The following HHLA2 variants were observed in gnomAD, a reference collection of about 807,000 sequenced individuals.
HHLA2 encodes the protein HHLA2 member of B7 family.
Under a neutral mutation model 45.9 loss-of-function variants are expected in HHLA2, and 48 were observed. The observed-to-expected ratio is 1.05, with a 90% confidence interval of 0.83 to 1.33. The LOEUF is 1.33. Among genes scored for constraint, HHLA2 ranks in the 40% most tolerant of loss-of-function variants. HHLA2 has a pLI of 0.00. For missense variants in HHLA2, 462 were observed against 494.3 expected (o/e 0.93, Z 0.62); for synonymous variants, 161 against 173.9 (o/e 0.93, Z 0.59).
intron 3 of HHLA2, among the ~76,000 whole-genome samples, chr3:108,332,154 A>G (rs950684809): frequency 6.6e-6 from 1 of 152,204 alleles, no homozygotes; most frequent in Non-Finnish European, 1.5e-5. Flanking sequence ...AAGCAATCAA[A>G]ATTTTAATTT....
chr3:108,329,260 CAT>C (rs1249738012), intron 3 of HHLA2, among the ~76,000 whole-genome samples: 1 of 152,102 alleles, frequency 6.6e-6, no homozygotes, highest in Non-Finnish European at 1.5e-5. Context: ...CATGACCTAA[CAT>C]GTGATTCAGG....
intron 8 of HHLA2, among the ~76,000 whole-genome samples, chr3:108,369,653 C>T (rs1182331042): frequency 2.1e-4 from 32 of 152,218 alleles, no homozygotes; most frequent in Admixed American, 2.1e-3. Context: ...AAATGGCACA[C>T]CAGGAGATTA....
chr3:108,313,299 G>A lies in HHLA2; in HGVS notation c.-105+2558G>A, dbSNP rs147291992. 2.1e-4 allele frequency among the ~76,000 whole-genome samples: 32 copies of A among 152,254 alleles called. No homozygotes were observed. The East Asian group carries it at 6.2e-3, about 29-fold the overall frequency. The stretch of plus-strand genomic sequence containing the variant: ...ACCAACGAGCAGGATTGTGATTCGG[G>A]GGAGTGAAACCAGCAGTGAGGGAAG... On this transcript the variant is annotated intron_variant, in intron 2 of 10. Coordinates refer to ENST00000619531, the Ensembl canonical transcript of HHLA2.
rs773699095 is a variant in HHLA2 at position 108,355,113 on chromosome 3, A to G, written c.419-2A>G. 6.2e-7 allele frequency: 1 copy of G among 1,609,804 alleles called. No individual in the cohort carries two copies. Among genetic ancestry groups the G allele is most frequent in the South Asian group, 1.1e-5 (1 of 90,366 alleles). On this transcript the variant is annotated splice_acceptor_variant, in intron 5 of 10. Transcript: ENST00000619531. LOFTEE classifies it high-confidence loss of function. The stretch of plus-strand genomic sequence containing the variant: ...TCATGCGCCCTTCTTTCTCCTATGT[A>G]GTTTTTCTCACACCCGTGATGAAGT...
At chr3:108,326,008 A>G in intron 2 of HHLA2, 1 of 319,804 alleles carries the variant, frequency 3.1e-6, no homozygotes, top group Non-Finnish European at 6.1e-6. Flanking sequence ...AAGTTATGAA[A>G]GCAAAGCCCC....
chr3:108,300,192 C>G (rs1182221252), intron 1 of HHLA2, among the ~76,000 whole-genome samples: 1 of 152,102 alleles, frequency 6.6e-6, no homozygotes, highest in East Asian at 1.9e-4. Context: ...CAGCACAGAA[C>G]CTGGGAGAGA....
chr3:108,364,499 GTATATA>G (rs2082031849), intron 8 of HHLA2, among the ~76,000 whole-genome samples: 1 of 152,132 alleles, frequency 6.6e-6, no homozygotes, highest in Non-Finnish European at 1.5e-5. Flanking sequence ...AATTTTTTGG[GTATATA>G]CCCAGTAATG....
chr3:108,359,732 C>T (rs2081956686), intron 7 of HHLA2, among the ~76,000 whole-genome samples: 3 of 152,090 alleles, frequency 2.0e-5, no homozygotes, highest in Admixed American at 6.5e-5. Context: ...CATATGAAAA[C>T]CCTGTAGAAA....
chr3:108,374,059 T>C (rs13089187), intron 8 of HHLA2, among the ~76,000 whole-genome samples: 51,854 of 146,038 alleles, frequency 0.36, 10,117 homozygotes, highest in African/African-American at 0.5. Context: ...GGAGGCATCA[T>C]GCTACCTGAC....
In HHLA2 at chr3:108,342,873, C is replaced by A. The variant is rs189503554; in HGVS notation, c.-26-8915C>A. On this transcript the variant is annotated intron_variant, in intron 3 of 10. Transcript: ENST00000619531. ...TTGAGAGGTCTTCCTTAACACCCTG[C>A]CCCTTCCAAGCTCAAGCGTCTTTCC... 2.2e-3 allele frequency among the ~76,000 whole-genome samples: 337 copies of A among 152,298 alleles called. 2 individuals are homozygous for A. Among genetic ancestry groups the A allele is most frequent in the Middle Eastern group, 3.4e-3 (1 of 294 alleles).
At chr3:108,376,773 T>G in intron 10 of HHLA2, 3 of 457,468 alleles carry the variant, frequency 6.6e-6, no homozygotes, top group Non-Finnish European at 1.2e-5. Context: ...AATACATGGT[T>G]GTTCTTCTTG....
At chr3:108,315,524 C>G (rs2081086919) in intron 2 of HHLA2, among the ~76,000 whole-genome samples, 1 of 152,128 alleles carries the variant, frequency 6.6e-6, no homozygotes, top group Non-Finnish European at 1.5e-5. Context: ...GAATTTGAAG[C>G]TTGATTGATG....
chr3:108,338,871 T>G lies in HHLA2; in HGVS notation c.-27+10524T>G, dbSNP rs183296351. Among the ~76,000 whole-genome samples, 60 of 152,294 alleles carry G rather than the reference T, an allele frequency of 3.9e-4. No homozygotes were observed. In the East Asian group the frequency reaches 0.011, roughly 27 times the overall value. ...TGGAGGCAGGATTTCTGGGCATTCA[T>G]AAATGTCCCCTACACACTTAGCAAG... is the stretch of plus-strand genomic sequence containing the variant. On this transcript the variant is annotated intron_variant, in intron 3 of 10. Coordinates refer to ENST00000619531, the Ensembl canonical transcript of HHLA2.
At chr3:108,376,631 A>C in intron 10 of HHLA2, 74 bp downstream of exon 9, 1 of 1,286,454 alleles carries the variant, frequency 7.8e-7, no homozygotes, top group South Asian at 1.3e-5. Context: ...TGAAGTTCTG[A>C]CTGATTCACA....
At chr3:108,353,331 G>A (rs554087388) in intron 4 of HHLA2, 96 bp from the exon 4 acceptor site, 4 of 725,776 alleles carry the variant, frequency 5.5e-6, no homozygotes, top group African/African-American at 1.8e-5. Context: ...TAATCAGGCT[G>A]CTAACCTAGG....
At chr3:108,329,284 T>C (rs1199860444) in intron 3 of HHLA2, among the ~76,000 whole-genome samples, 1 of 152,152 alleles carries the variant, frequency 6.6e-6, no homozygotes, top group Admixed American at 6.5e-5. Context: ...TCAGCCAACA[T>C]GGCCTTGGAG....
At chr3:108,331,607 A>G (rs2081386790) in intron 3 of HHLA2, among the ~76,000 whole-genome samples, 1 of 152,162 alleles carries the variant, frequency 6.6e-6, no homozygotes, top group Admixed American at 6.6e-5. Context: ...ATAGGCCTCA[A>G]AATGCCCTTT....
intron 7 of HHLA2, among the ~76,000 whole-genome samples, chr3:108,360,658 G>A (rs185464374): frequency 1.3e-4 from 20 of 152,306 alleles, no homozygotes; most frequent in South Asian, 6.2e-4. Context: ...GCGCAGTCAC[G>A]TCCCAGGTGG....
chr3:108,344,017 C>T (rs569128370), intron 3 of HHLA2, among the ~76,000 whole-genome samples: 1 of 152,146 alleles, frequency 6.6e-6, no homozygotes, highest in African/African-American at 2.4e-5. Flanking sequence ...CAGTGGAAGT[C>T]CTTACATCTG....
Sources: allele counts gnomAD v4.1 joint callset (sites outside exome capture counted in the v4.1 genomes callset), GRCh38; gene constraint gnomAD v4.1.1; transcripts MANE v1.5; gene names NCBI Gene and HGNC (gene_info 2026-07-23, HGNC 2026-07-21).